The following SLC35F1 variants were observed in gnomAD, a reference collection of about 807,000 sequenced individuals.
SLC35F1 encodes chromosome 6 open reading frame 169.
Under a neutral mutation model 48.7 loss-of-function variants are expected in SLC35F1, and 14 were observed. That is an observed-to-expected ratio of 0.29 (90% confidence interval 0.19 to 0.45). SLC35F1 has a LOEUF of 0.45. Ranked by LOEUF, SLC35F1 falls within the 20% of genes least tolerant of loss-of-function variation. The probability of loss-of-function intolerance (pLI) is 1.00; values close to 1 mark genes in which losing one functional copy is unlikely to be tolerated. For synonymous variants in SLC35F1, 190 were observed against 202.2 expected (o/e 0.94, Z 0.51); for missense variants, 404 against 500.0 (o/e 0.81, Z 1.83).
At chr6:118,115,050 A>G (rs964932807) in intron 1 of SLC35F1, among the ~76,000 whole-genome samples, 1 of 152,210 alleles carries the variant, frequency 6.6e-6, no homozygotes, top group African/African-American at 2.4e-5. Flanking sequence ...AAGTGTCACC[A>G]TCAAGATCGA....
intron 1 of SLC35F1, among the ~76,000 whole-genome samples, chr6:118,108,438 G>A (rs1339552020): frequency 1.3e-5 from 2 of 151,810 alleles, no homozygotes; most frequent in Non-Finnish European, 2.9e-5. Context: ...TTTAGGCCCT[G>A]GAACAATCAG....
intron 1 of SLC35F1, among the ~76,000 whole-genome samples, chr6:118,141,535 AG>A (rs1363947072): frequency 1.3e-5 from 2 of 152,228 alleles, no homozygotes; most frequent in African/African-American, 4.8e-5. Context: ...GTCCAAGATC[AG>A]GGTGCTAGGA....
At chr6:118,003,312 G>A (rs1218296669) in intron 1 of SLC35F1, among the ~76,000 whole-genome samples, 1 of 152,164 alleles carries the variant, frequency 6.6e-6, no homozygotes, top group East Asian at 1.9e-4. Flanking sequence ...TAATGAAAGA[G>A]GATTGTTTAT....
At chr6:118,027,007 A>T (rs1003881646) in intron 1 of SLC35F1, among the ~76,000 whole-genome samples, 2 of 152,066 alleles carry the variant, frequency 1.3e-5, no homozygotes, top group Non-Finnish European at 2.9e-5. Context: ...ATGACCAGTG[A>T]TTTGGGTTCT....
Position 117,993,768 on chromosome 6 carries a change from A to G in SLC35F1, c.173+85869A>G, listed in dbSNP as rs140373537. 2.4e-4 allele frequency among the ~76,000 whole-genome samples: 37 copies of G among 152,338 alleles called. No homozygotes were observed. The East Asian group carries it at 6.0e-3, about 25-fold the overall frequency. ...TGTTTCCTTAGCAGAAATGAATTTT[A>G]TATTTATCCATGACATATCCTCAAT... On this transcript the variant is annotated intron_variant, in intron 1 of 7. Transcript: ENST00000360388.
At chr6:117,991,640 T>C (rs1200267403) in intron 1 of SLC35F1, among the ~76,000 whole-genome samples, 11 of 152,234 alleles carry the variant, frequency 7.2e-5, no homozygotes, top group South Asian at 4.1e-4. Context: ...GCCTGCTGCA[T>C]ACGTCTTTTA....
intron 1 of SLC35F1, among the ~76,000 whole-genome samples, chr6:117,954,324 C>T (rs754445478): frequency 2.0e-5 from 3 of 151,990 alleles, no homozygotes; most frequent in African/African-American, 7.2e-5. Context: ...GGTGCAATCT[C>T]GGCTCCCTGC....
intron 2 of SLC35F1, among the ~76,000 whole-genome samples, chr6:118,232,633 G>A (rs1004431771): frequency 6.6e-6 from 1 of 151,440 alleles, no homozygotes; most frequent in African/African-American, 2.4e-5. Flanking sequence ...TATCAAGGAA[G>A]GCTTCCTGGT....
chr6:117,966,131 G>GCCCCCCCCCCCCCCCCCCCCCCCCCC lies in SLC35F1; in HGVS notation c.173+58243_173+58244insCCCCCCCCCCCCCCCCCCCCCCCCCC, dbSNP rs35420310. Among the ~76,000 whole-genome samples, 7 of 101,096 alleles carry GCCCCCCCCCCCCCCCCCCCCCCCCCC rather than the reference G, an allele frequency of 6.9e-5. 2 individuals are homozygous for GCCCCCCCCCCCCCCCCCCCCCCCCCC. The highest frequency in any genetic ancestry group is 1.2e-4 in the Non-Finnish European group (6 of 49,154). 66.3% of individuals were successfully genotyped at this position (101,096 alleles called of 152,430 possible). ...AATAAGGGAATAAAAGCAGGCCACC[G>GCCCCCCCCCCCCCCCCCCCCCCCCCC]CCCCCCCCCCCACTCCCGCCCCGCC... On this transcript the variant is annotated intron_variant, in intron 1 of 7. Coordinates refer to ENST00000360388, the MANE Select transcript of SLC35F1 (RefSeq NM_001029858.4).
chr6:118,248,690 T>A (rs900659224), intron 3 of SLC35F1, among the ~76,000 whole-genome samples: 5 of 152,228 alleles, frequency 3.3e-5, no homozygotes, highest in African/African-American at 1.2e-4. Flanking sequence ...ATTTTAGGAC[T>A]TCTGACCTCC....
chr6:118,154,103 G>A (rs1245588947), intron 1 of SLC35F1, among the ~76,000 whole-genome samples: 1 of 152,156 alleles, frequency 6.6e-6, no homozygotes, highest in Non-Finnish European at 1.5e-5. Context: ...TGAAGATGAT[G>A]TTCTTTCCCC....
chr6:118,042,597 A>G (rs574451210), intron 1 of SLC35F1, among the ~76,000 whole-genome samples: 1 of 152,132 alleles, frequency 6.6e-6, no homozygotes, highest in Non-Finnish European at 1.5e-5. Context: ...CTTGCCAAGG[A>G]GTTTGGACTT....
At chr6:117,985,802 G>A (rs1047591195) in intron 1 of SLC35F1, among the ~76,000 whole-genome samples, 1 of 152,186 alleles carries the variant, frequency 6.6e-6, no homozygotes, top group African/African-American at 2.4e-5. Context: ...ATAGAAAAAA[G>A]TAAATATGCA....
chr6:118,022,358 A>G (rs923475025), intron 1 of SLC35F1, among the ~76,000 whole-genome samples: 3 of 152,204 alleles, frequency 2.0e-5, no homozygotes, highest in African/African-American at 4.8e-5. Flanking sequence ...CTCAAAATCA[A>G]TATTAAGATG....
At chr6:118,188,017 A>G (rs537505224) in intron 2 of SLC35F1, among the ~76,000 whole-genome samples, 1 of 152,338 alleles carries the variant, frequency 6.6e-6, no homozygotes, top group East Asian at 1.9e-4. Context: ...TTGCTTCATT[A>G]TGTGTAACTA....
At chr6:118,050,218 G>A (rs1772367408) in intron 1 of SLC35F1, among the ~76,000 whole-genome samples, 1 of 151,944 alleles carries the variant, frequency 6.6e-6, no homozygotes, top group Admixed American at 6.6e-5. Context: ...ACTGTTGTGG[G>A]GTGGGAGGAG....
At chr6:118,248,823 G>A (rs1199529217) in intron 3 of SLC35F1, among the ~76,000 whole-genome samples, 1 of 152,226 alleles carries the variant, frequency 6.6e-6, no homozygotes, top group Non-Finnish European at 1.5e-5. Context: ...ACTATAGATT[G>A]AGTGTTTGTG....
At chr6:118,000,450 A>T (rs980344359) in intron 1 of SLC35F1, among the ~76,000 whole-genome samples, 1 of 152,174 alleles carries the variant, frequency 6.6e-6, no homozygotes, top group Non-Finnish European at 1.5e-5. Flanking sequence ...GACATATCTC[A>T]AAATAATAAG....
intron 1 of SLC35F1, among the ~76,000 whole-genome samples, chr6:118,137,478 C>T (rs72961889): frequency 0.36 from 54,792 of 151,906 alleles, 10,405 homozygotes; most frequent in Non-Finnish European, 0.43. Context: ...GGAGTTCCCC[C>T]CTCCTACTCC....
Sources: allele counts gnomAD v4.1 joint callset (sites outside exome capture counted in the v4.1 genomes callset), GRCh38; gene constraint gnomAD v4.1.1; transcripts MANE v1.5; gene names NCBI Gene and HGNC (gene_info 2026-07-23, HGNC 2026-07-21).